Variants in DPP9 observed in about 807,000 individuals in gnomAD.
DPP9 encodes the protein dipeptidyl peptidase IV-related protein-2.
DPP9 carries 50 observed loss-of-function variants against 110.7 expected under a neutral mutation model. The observed-to-expected ratio is 0.45, with a 90% CI of 0.36 to 0.57. The LOEUF is 0.57. Among genes scored for constraint, DPP9 ranks in the 20% least tolerant of loss-of-function variants. DPP9 has a pLI of 0.00. For missense variants in DPP9, 1,022 were observed against 1,217.9 expected, an observed-to-expected ratio of 0.84 and a Z score of 2.39; for synonymous variants, 561 against 514.4, an observed-to-expected ratio of 1.09 and a Z score of -1.23.
chr19:4,678,056 G>A (rs1191172756), intron 21 of DPP9, among the ~76,000 whole-genome samples: 2 of 151,926 alleles, frequency 1.3e-5, no homozygotes, highest in Non-Finnish European at 2.9e-5. Context: ...GGGAGGCAGT[G>A]AGACAGGACC....
chr19:4,679,212 C>T (rs1018053007), intron 21 of DPP9: 3 of 152,732 alleles, frequency 2.0e-5, no homozygotes, highest in African/African-American at 7.3e-5. Flanking sequence ...CACCGTAACA[C>T]TGAAGCCCCG....
rs532480433 is a variant in DPP9 at position 4,699,059 on chromosome 19, T to C, written c.1074+1157A>G. On this transcript the variant is annotated intron_variant, in intron 10 of 21. Coordinates refer to ENST00000262960, the MANE Select transcript of DPP9 (RefSeq NM_139159.5). ...CTGTAGTCCCAGCTACTCGGGAGGC[T>C]GAGGCAGGAGAATGGCATGAACCCG... 1.4e-4 allele frequency among the ~76,000 whole-genome samples: 20 copies of C among 146,234 alleles called. No homozygotes were observed. In the South Asian group the frequency reaches 3.4e-3, roughly 25 times the overall value.
At chr19:4,681,619 C>T (rs2089891344) in intron 20 of DPP9, among the ~76,000 whole-genome samples, 1 of 152,114 alleles carries the variant, frequency 6.6e-6, no homozygotes, top group Non-Finnish European at 1.5e-5. Context: ...GGCTAGAGTG[C>T]AGTGGCACGA....
At position 4,676,612 on chromosome 19, in the gene DPP9, G is replaced by A. The variant is rs1161518186; in HGVS notation, c.2631C>T (p.Gly877=). ...ERHSIRCPES[G]EHYEVTLLHF... ...GCAGCAACGTGACTTCATAGTGCTC[G>A]CCCGACTCGGGGCAGCGAATACTGT... is the stretch of plus-strand genomic sequence containing the variant. Residue 877 remains glycine, a synonymous_variant, in exon 22 of 22, where the codon GGC becomes GGT. Transcript: ENST00000262960. The surrounding 1 kb of genome is among the most constrained non-coding windows in gnomAD (Gnocchi z 4.0). 1.2e-6 allele frequency: 2 copies of A among 1,608,978 alleles called. No homozygotes were observed. Among genetic ancestry groups the A allele is most frequent in the Non-Finnish European group, 1.7e-6 (2 of 1,177,802 alleles).
At position 4,695,564 on chromosome 19, in the gene DPP9, G is replaced by C; in HGVS notation, c.1176-9C>G. On this transcript the variant is annotated splice_polypyrimidine_tract_variant and intron_variant, in intron 11 of 21. Transcript: ENST00000262960. The surrounding 1 kb of genome is among the most constrained non-coding windows in gnomAD (Gnocchi z 4.7). ...GGAACATGGCCCAGGCGCTAAGGGG[G>C]AAGATGCGGGGGAAGATGAGAGGGA... 6.8e-7 allele frequency: 1 copy of C among 1,462,726 alleles called. No individual in the cohort carries two copies. 90.6% of individuals were successfully genotyped at this position (1,462,726 alleles called of 1,614,324 possible). A position where few individuals can be genotyped will look rare whatever the true frequency, so the allele number is the denominator to read the frequency against.
chr19:4,713,959 C>T (rs1599945906), intron 4 of DPP9, 122 bp downstream of exon 4: 2 of 1,392,154 alleles, frequency 1.4e-6, no homozygotes, highest in African/African-American at 2.9e-5. Context: ...GGACAGCATG[C>T]CCAGGGCCCA....
At position 4,694,470 on chromosome 19, in the gene DPP9, G is replaced by GC; in HGVS notation, c.1516+190dup. 1 of 706,810 alleles carries GC rather than the reference G, an allele frequency of 1.4e-6. No homozygotes were observed. The highest frequency in any genetic ancestry group is 1.8e-5 in the African/African-American group (1 of 55,666). The allele number at this position is 706,810 out of a possible 1,614,324, so 43.8% of individuals were successfully genotyped here. ...CTCAGTAAATCTGCTGCCTGAATAA[G>GC]CCAACAGTTGGGTGCTCTAAGCCCT... On this transcript the variant is annotated intron_variant, in intron 13 of 21. Coordinates refer to ENST00000262960, the MANE Select transcript of DPP9 (RefSeq NM_139159.5). This position sits in a 1 kb window ranked among gnomAD's most constrained non-coding sequence, Gnocchi z 4.0.
At chr19:4,688,211 T>C (rs2090974042) in intron 16 of DPP9, 1 of 152,428 alleles carries the variant, frequency 6.6e-6, no homozygotes, top group African/African-American at 2.4e-5. Context: ...TGGGCACAAA[T>C]GATCCCCCCC....
Position 4,689,612 on chromosome 19 carries a change from G to T in DPP9, c.1707C>A (p.Arg569=). 6.4e-7 allele frequency: 1 copy of T among 1,574,650 alleles called. No individual in the cohort carries two copies. The change falls in exon 15 of 22, where the codon CGC becomes CGA. Residue 569 remains arginine, a synonymous_variant. Transcript: ENST00000262960. The surrounding 1 kb of genome is among the most constrained non-coding windows in gnomAD (Gnocchi z 7.0). ...VSYEAAGEIV[R]LTTPGFSHSC... ...TATGGGAGAAGCCGGGCGTGGTGAG[G>T]CGTACGATCTCGCCGGCCGCCTCAT... is the stretch of plus-strand genomic sequence containing the variant.
chr19:4,714,386 C>T (rs544252257), intron 3 of DPP9, 49 bp from the exon 4 acceptor site: 30 of 1,452,768 alleles, frequency 2.1e-5, no homozygotes, highest in East Asian at 5.0e-5. Context: ...GTTTTACCTA[C>T]GAGCTGCCCC....
chr19:4,684,029 A>G lies in DPP9; in HGVS notation c.2179-400T>C, dbSNP rs531359049. 1.1e-4 allele frequency: 40 copies of G among 376,410 alleles called. No homozygotes were observed. Among genetic ancestry groups the G allele is most frequent in the African/African-American group, 7.9e-4 (38 of 47,826 alleles). 23.3% of individuals were successfully genotyped at this position (376,410 alleles called of 1,614,324 possible). A position where few individuals can be genotyped will look rare whatever the true frequency, so the allele number is the denominator to read the frequency against. ...CGTTGTCACTACCAGCCACATCCCC[A>G]CCACCGCCACTGCCACGATTTCAAT... On this transcript the variant is annotated intron_variant, in intron 18 of 21. Transcript: ENST00000262960. This position sits in a 1 kb window ranked among gnomAD's most constrained non-coding sequence, Gnocchi z 4.8.
In DPP9 at chr19:4,693,350, C is replaced by T. The variant is rs969154856; in HGVS notation, c.1516+1311G>A. On this transcript the variant is annotated intron_variant, in intron 13 of 21. Coordinates refer to ENST00000262960, the MANE Select transcript of DPP9 (RefSeq NM_139159.5). The surrounding 1 kb of genome is among the most constrained non-coding windows in gnomAD (Gnocchi z 5.0). ...CTGACACTGTCAGTGTGCAAGGACACCTGCAATCCCACCAGGAGTCTCGGT... is the reference window on the plus strand; with the variant it reads ...CTGACACTGTCAGTGTGCAAGGACATCTGCAATCCCACCAGGAGTCTCGGT... 6.6e-6 allele frequency among the ~76,000 whole-genome samples: 1 copy of T among 152,104 alleles called. No homozygotes were observed. Among genetic ancestry groups the T allele is most frequent in the Non-Finnish European group, 1.5e-5 (1 of 67,984 alleles).
chr19:4,714,111 C>A lies in DPP9; in HGVS notation c.283G>T (p.Gly95Trp). Reference protein sequence around the residue: ...FQFVQKTDESGPHSHRLYYLG... With the variant: ...FQFVQKTDESWPHSHRLYYLG... ...TAGTAGAGGCGGTGGGAGTGGGGCC[C>A]AGACTCATCCGTCTTCTGCACAAAC... Residue 95 changes from glycine (G) to tryptophan (W), a missense_variant, in exon 4 of 22, where the codon GGG (glycine) becomes TGG (tryptophan). By Grantham distance (184) the Gly-to-Trp change is radical. Coordinates refer to ENST00000262960, the MANE Select transcript of DPP9 (RefSeq NM_139159.5). 6.2e-7 allele frequency: 1 copy of A among 1,612,926 alleles called. No individual in the cohort carries two copies.
rs908001442 is a variant in DPP9 at position 4,695,712 on chromosome 19, C to A, written c.1176-157G>T. ...ACTTGGCCAAGTAACCCTGCAGCAC[C>A]CACAGGCTTCCTTCCTGGCACATGC... is the stretch of plus-strand genomic sequence containing the variant. On this transcript the variant is annotated intron_variant, in intron 11 of 21. Transcript: ENST00000262960. This position sits in a 1 kb window ranked among gnomAD's most constrained non-coding sequence, Gnocchi z 4.7. Among the ~76,000 whole-genome samples the A allele has an allele frequency of 6.6e-6, 1 of 152,136 alleles. No homozygotes were observed. Among genetic ancestry groups the A allele is most frequent in the African/African-American group, 2.4e-5 (1 of 41,424 alleles).
chr19:4,692,090 G>A (rs1399330324), intron 13 of DPP9, among the ~76,000 whole-genome samples: 1 of 152,114 alleles, frequency 6.6e-6, no homozygotes, highest in Non-Finnish European at 1.5e-5. Flanking sequence ...CAAAGTGCTG[G>A]GATTCCAGGT....
chr19:4,706,388 A>G (rs1317801871), intron 4 of DPP9, among the ~76,000 whole-genome samples: 5 of 152,082 alleles, frequency 3.3e-5, no homozygotes, highest in Non-Finnish European at 7.4e-5. Context: ...ATCGCACACA[A>G]GAGAACAAGA....
chr19:4,718,324 T>G lies in DPP9; in HGVS notation c.56+1527A>C, dbSNP rs1346172630. 6.6e-6 allele frequency among the ~76,000 whole-genome samples: 1 copy of G among 152,100 alleles called. No individual in the cohort carries two copies. Among genetic ancestry groups the G allele is most frequent in the Non-Finnish European group, 1.5e-5 (1 of 68,018 alleles). On this transcript the variant is annotated intron_variant, in intron 3 of 21. Coordinates refer to ENST00000262960, the MANE Select transcript of DPP9 (RefSeq NM_139159.5). The surrounding 1 kb of genome is among the most constrained non-coding windows in gnomAD (Gnocchi z 4.3). ...AAGTATTTGGACGCCTAGAAGGAACTGTAGATTCAGTGCTGACTGCAGTTC... is the reference window on the plus strand; with the variant it reads ...AAGTATTTGGACGCCTAGAAGGAACGGTAGATTCAGTGCTGACTGCAGTTC...
At chr19:4,706,442 C>T (rs901827084) in intron 4 of DPP9, among the ~76,000 whole-genome samples, 1 of 152,030 alleles carries the variant, frequency 6.6e-6, no homozygotes, top group African/African-American at 2.4e-5. Context: ...AGGTTGGGTT[C>T]GGCTCTCCAA....
At chr19:4,701,851 G>A (rs953457989) in intron 9 of DPP9, among the ~76,000 whole-genome samples, 176 bp downstream of exon 9, 2 of 152,182 alleles carry the variant, frequency 1.3e-5, no homozygotes, top group South Asian at 4.1e-4. Context: ...GGTGGCCATG[G>A]TAAGCCAGGA....
Sources: allele counts gnomAD v4.1 joint callset (sites outside exome capture counted in the v4.1 genomes callset), GRCh38; gene constraint gnomAD v4.1.1; non-coding constraint Gnocchi (gnomAD v3.1); transcripts MANE v1.5; gene names NCBI Gene and HGNC (gene_info 2026-07-23, HGNC 2026-07-21).